Variants in DNAH12 observed in about 807,000 individuals in gnomAD.
The protein encoded by DNAH12 is dynein axonemal heavy chain 12.
Under a neutral mutation model 371.5 loss-of-function variants are expected in DNAH12, and 285 were observed. The observed-to-expected ratio is 0.77, with a 90% confidence interval of 0.70 to 0.85. The LOEUF (loss-of-function observed/expected upper bound fraction) is 0.85, where lower values mean the gene tolerates loss of function less well. Ranked by LOEUF, DNAH12 falls within the 40% of genes least tolerant of loss-of-function variation. DNAH12 has a pLI of 0.00. For synonymous variants in DNAH12, 1,200 were observed against 1,213.0 expected, an observed-to-expected ratio of 0.99 and a Z score of 0.22; for missense variants, 3,611 against 3,689.4, an observed-to-expected ratio of 0.98 and a Z score of 0.55.
At chr3:57,525,154 CAAAAAA>C (rs5849213) in intron 2 of DNAH12, among the ~76,000 whole-genome samples, 12 of 109,500 alleles carry the variant, frequency 1.1e-4, no homozygotes, top group South Asian at 6.0e-4. Flanking sequence ...AGAGGAGAAA[CAAAAAA>C]AAAAAAAAAA....
chr3:57,449,124 C>T (rs372780403), intron 25 of DNAH12, among the ~76,000 whole-genome samples: 13,206 of 122,948 alleles, frequency 0.11, 211 homozygotes, highest in Non-Finnish European at 0.12. Flanking sequence ...CATAAAGGTT[C>T]TCCAAGGCCC....
intron 39 of DNAH12, 100 bp from the exon 40 acceptor site, chr3:57,408,635 C>A: frequency 7.6e-7 from 1 of 1,320,546 alleles, no homozygotes; most frequent in Non-Finnish European, 9.9e-7. Flanking sequence ...ATTTTAGCTT[C>A]TCTAAAAGGA....
intron 12 of DNAH12, 96 bp from the exon 13 acceptor site, chr3:57,483,607 ATG>A: frequency 7.8e-7 from 1 of 1,284,304 alleles, no homozygotes; most frequent in Admixed American, 3.5e-5. Flanking sequence ...AATAAGAACT[ATG>A]ATATCCTAAA....
chr3:57,507,603 T>A, intron 8 of DNAH12, 40 bp downstream of exon 8: 2 of 1,388,892 alleles, frequency 1.4e-6, no homozygotes, highest in Non-Finnish European at 1.9e-6. Context: ...TGAACTAATT[T>A]TAATAACATT....
chr3:57,361,444 CTATA>C (rs1201361123), intron 58 of DNAH12, among the ~76,000 whole-genome samples: 3,663 of 116,676 alleles, frequency 0.031, 95 homozygotes, highest in Middle Eastern at 0.045. Context: ...CACACACACA[CTATA>C]TATATATATA....
chr3:57,527,337 A>G (rs2068684373), intron 2 of DNAH12, among the ~76,000 whole-genome samples: 1 of 152,192 alleles, frequency 6.6e-6, no homozygotes, highest in Non-Finnish European at 1.5e-5. Flanking sequence ...TTTCCAAAAA[A>G]CAAAAACAAA....
At chr3:57,452,471 G>T (rs1156276359) in intron 25 of DNAH12, among the ~76,000 whole-genome samples, 1 of 151,990 alleles carries the variant, frequency 6.6e-6, no homozygotes, top group Non-Finnish European at 1.5e-5. Context: ...CTACTTAACA[G>T]CACTAATTTG....
At chr3:57,488,957 T>TGTGTGTGC (rs2067027976) in intron 12 of DNAH12, among the ~76,000 whole-genome samples, 1 of 151,968 alleles carries the variant, frequency 6.6e-6, no homozygotes, top group Non-Finnish European at 1.5e-5. Flanking sequence ...TGTGTGTGTG[T>TGTGTGTGC]GTGCACGTGC....
chr3:57,347,430 T>G (rs566813190), intron 60 of DNAH12, among the ~76,000 whole-genome samples: 8 of 152,214 alleles, frequency 5.3e-5, no homozygotes, highest in Admixed American at 5.2e-4. Context: ...AAAAAACATT[T>G]GACAGCTGGG....
Position 57,432,168 on chromosome 3 carries a change from C to CTTT in DNAH12, c.4980+1196_4980+1198dup, listed in dbSNP as rs61049709. On this transcript the variant is annotated intron_variant, in intron 32 of 73. Coordinates refer to ENST00000495027, the MANE Select transcript of DNAH12 (RefSeq NM_001366028.2). The stretch of plus-strand genomic sequence containing the variant: ...CCTATGATAAAGTACTTCAGTATAT[C>CTTT]TTTTTTTTTTTTTTTTTCTGAGATG... Among the ~76,000 whole-genome samples the CTTT allele has an allele frequency of 4.3e-3, 570 of 131,198 alleles. 27 individuals carry two copies. The highest frequency in any genetic ancestry group is 0.022 in the East Asian group (102 of 4,616). The allele number at this position is 131,198 out of a possible 152,430, so 86.1% of individuals were successfully genotyped here.
chr3:57,368,963 T>G (rs1479324848), intron 55 of DNAH12, among the ~76,000 whole-genome samples: 1 of 151,964 alleles, frequency 6.6e-6, no homozygotes, highest in Non-Finnish European at 1.5e-5. Context: ...TGCCAGCGCT[T>G]TGGGAGGCCA....
rs547013110 is a variant in DNAH12 at position 57,493,013 on chromosome 3, CAAA to C, written c.1336-3329_1336-3327del. Among the ~76,000 whole-genome samples, 483 of 151,734 alleles carry C rather than the reference CAAA, an allele frequency of 3.2e-3. 2 individuals carry two copies. The highest frequency in any genetic ancestry group is 0.011 in the African/African-American group (456 of 41,412). ...GGGCGAAACTCCATCTCAAAACAAACAAACAAACAAACAAACAAACAAAACTTT... is the reference window on the plus strand; with the variant it reads ...GGGCGAAACTCCATCTCAAAACAAACCAAACAAACAAACAAACAAAACTTT... On this transcript the variant is annotated intron_variant, in intron 11 of 73. Transcript: ENST00000495027.
At chr3:57,308,287 C>T (rs1050949082) in intron 69 of DNAH12, among the ~76,000 whole-genome samples, 1 of 152,088 alleles carries the variant, frequency 6.6e-6, no homozygotes, top group Non-Finnish European at 1.5e-5. Flanking sequence ...TATAATGGAC[C>T]GGACTTTATT....
chr3:57,544,622 T>C (rs553341919), upstream of DNAH12, among the ~76,000 whole-genome samples: 1 of 152,284 alleles, frequency 6.6e-6, no homozygotes, highest in African/African-American at 2.4e-5. Flanking sequence ...GGAAAACAGA[T>C]TTATGGAAAC....
intron 38 of DNAH12, among the ~76,000 whole-genome samples, chr3:57,415,140 TGTGA>T (rs1257220432): frequency 1.4e-5 from 2 of 142,136 alleles, no homozygotes; most frequent in Admixed American, 7.0e-5. Flanking sequence ...TTTGTGTGTG[TGTGA>T]GTGTGTGTGT....
At chr3:57,428,391 G>A (rs2064849390) in intron 34 of DNAH12, 2 of 1,428,898 alleles carry the variant, frequency 1.4e-6, no homozygotes, top group Admixed American at 2.2e-5. Flanking sequence ...TTGAAATACG[G>A]AAAGTAATTA....
intron 22 of DNAH12, among the ~76,000 whole-genome samples, chr3:57,455,619 A>G (rs568493209): frequency 6.6e-6 from 1 of 152,274 alleles, no homozygotes; most frequent in South Asian, 2.1e-4. Context: ...GATTATGTAT[A>G]TTGATGCCAA....
In DNAH12 at chr3:57,352,474, C is replaced by T. The variant is rs76438834; in HGVS notation, c.9534-249G>A. On this transcript the variant is annotated intron_variant, in intron 59 of 73. Coordinates refer to ENST00000495027, the MANE Select transcript of DNAH12 (RefSeq NM_001366028.2). The stretch of plus-strand genomic sequence containing the variant: ...AAACAAGATGAAGGGTACGTGAAAC[C>T]TCTCTGCACGTATTTTTCTGTGTGC... Among the ~76,000 whole-genome samples the T allele has an allele frequency of 7.3e-3, 1,117 of 152,024 alleles. 13 individuals are homozygous for T. Among genetic ancestry groups the T allele is most frequent in the African/African-American group, 0.025 (1,037 of 41,436 alleles).
intron 40 of DNAH12, 123 bp downstream of exon 40, chr3:57,408,157 C>G: frequency 9.1e-7 from 1 of 1,096,422 alleles, no homozygotes; most frequent in Non-Finnish European, 1.2e-6. Context: ...TTCCTATTCT[C>G]TGGTCTTCTA....
Sources: gnomAD v4.1 joint callset for allele counts (sites outside exome capture counted in the v4.1 genomes callset) on GRCh38, gnomAD v4.1.1 for gene constraint, MANE v1.5 for transcripts, NCBI Gene and HGNC (gene_info 2026-07-23, HGNC 2026-07-21) for gene names.